WDR59: variants seen among roughly 807,000 people sequenced by gnomAD.
The protein encoded by WDR59 is WD repeat domain 59.
WDR59 carries 100 observed loss-of-function variants against 131.2 expected under a neutral mutation model. That is an observed-to-expected ratio of 0.76 (90% CI 0.65 to 0.90). The LOEUF is 0.90. Ranked by LOEUF, WDR59 falls within the 40% of genes least tolerant of loss-of-function variation. The pLI is 0.00. For synonymous variants in WDR59, 601 were observed against 466.2 expected, an observed-to-expected ratio of 1.29 and a Z score of -3.72; for missense variants, 1,203 against 1,262.2, an observed-to-expected ratio of 0.95 and a Z score of 0.71.
chr16:74,881,624 CAG>C, intron 25 of WDR59, among the ~76,000 whole-genome samples: 1 of 151,902 alleles, frequency 6.6e-6, no homozygotes, highest in Admixed American at 6.6e-5. Flanking sequence ...ACTGTAATCC[CAG>C]CACTTTGGGA....
At chr16:74,899,148 G>A (rs185725163) in intron 18 of WDR59, among the ~76,000 whole-genome samples, 10 of 152,262 alleles carry the variant, frequency 6.6e-5, no homozygotes, top group African/African-American at 9.6e-5. Flanking sequence ...TGTCCACAGC[G>A]GAGGTTTTAC....
intron 6 of WDR59, among the ~76,000 whole-genome samples, chr16:74,943,790 G>C (rs1016591156): frequency 6.6e-6 from 1 of 152,138 alleles, no homozygotes; most frequent in African/African-American, 2.4e-5. Context: ...TCCAGAGTAG[G>C]ACAGAGCAAT....
chr16:74,953,888 G>A (rs910824797), intron 3 of WDR59, among the ~76,000 whole-genome samples: 5 of 152,008 alleles, frequency 3.3e-5, no homozygotes, highest in Non-Finnish European at 7.4e-5. Context: ...TGTAGTCCCA[G>A]CTACTTGGGA....
At chr16:74,945,742 A>C (rs1357863038) in intron 6 of WDR59, among the ~76,000 whole-genome samples, 1 of 151,880 alleles carries the variant, frequency 6.6e-6, no homozygotes, top group Non-Finnish European at 1.5e-5. Flanking sequence ...TCCACCTTCT[A>C]CAGTGTGAGT....
At chr16:74,894,672 C>T (rs1965205976) in intron 18 of WDR59, among the ~76,000 whole-genome samples, 1 of 152,150 alleles carries the variant, frequency 6.6e-6, no homozygotes, top group African/African-American at 2.4e-5. Flanking sequence ...GCAAAAGGAG[C>T]TAGTAAAAAG....
At chr16:74,899,080 A>G (rs1362286166) in intron 18 of WDR59, among the ~76,000 whole-genome samples, 1 of 152,192 alleles carries the variant, frequency 6.6e-6, no homozygotes, top group African/African-American at 2.4e-5. Context: ...ATGGGAGAGG[A>G]AGACAGAAGA....
intron 1 of WDR59, among the ~76,000 whole-genome samples, chr16:74,979,514 C>T (rs959704401): frequency 1.3e-5 from 2 of 150,978 alleles, no homozygotes; most frequent in African/African-American, 2.4e-5. Context: ...AACAGTGTTG[C>T]TCTGGAAGAT....
intron 8 of WDR59, among the ~76,000 whole-genome samples, chr16:74,935,512 C>A (rs1156797393): frequency 6.6e-6 from 1 of 151,876 alleles, no homozygotes. Flanking sequence ...TTTAGTGATA[C>A]CTTGCTCCAG....
chr16:74,946,898 G>C (rs1224977263), intron 6 of WDR59, among the ~76,000 whole-genome samples: 2 of 151,842 alleles, frequency 1.3e-5, no homozygotes, highest in East Asian at 1.9e-4. Context: ...GTGTTCCAAT[G>C]CACCAAGGAG....
intron 25 of WDR59, among the ~76,000 whole-genome samples, chr16:74,885,023 G>A (rs1383487281): frequency 6.6e-6 from 1 of 152,238 alleles, no homozygotes; most frequent in Non-Finnish European, 1.5e-5. Context: ...CTACTCAGCT[G>A]TAAGCTCCAT....
At chr16:74,928,532 T>C (rs751123261) in intron 8 of WDR59, among the ~76,000 whole-genome samples, 1 of 152,102 alleles carries the variant, frequency 6.6e-6, no homozygotes, top group African/African-American at 2.4e-5. Context: ...TTCCCTGTTC[T>C]TGTAAGGCCA....
chr16:74,958,592 C>CAAAAAAAAAAAAAAGAAAAAAA (rs2033408843), intron 2 of WDR59, among the ~76,000 whole-genome samples: 1 of 13,234 alleles, frequency 7.6e-5, no homozygotes, highest in African/African-American at 2.1e-4. Flanking sequence ...GACTCCATCT[C>CAAAAAAAAAAAAAAGAAAAAAA]AAAAAAAAAA....
At chr16:74,953,472 CA>C (rs59976539) in intron 3 of WDR59, among the ~76,000 whole-genome samples, 40,687 of 96,992 alleles carry the variant, frequency 0.42, 5,980 homozygotes, top group East Asian at 0.7. Context: ...GACTCCGTCT[CA>C]AAAAAAAAAA....
chr16:74,882,718 G>T (rs1004816455), intron 25 of WDR59, among the ~76,000 whole-genome samples: 11 of 147,096 alleles, frequency 7.5e-5, no homozygotes, highest in Non-Finnish European at 1.6e-4. Flanking sequence ...GTTGAGGTGT[G>T]AGAATCACTT....
chr16:74,948,791 C>G (rs115676495), intron 5 of WDR59, among the ~76,000 whole-genome samples: 2,405 of 152,134 alleles, frequency 0.016, 49 homozygotes, highest in African/African-American at 0.056. Context: ...CACCCGAGGT[C>G]AGAGTTCGAG....
chr16:74,955,032 T>C (rs2033213500), intron 3 of WDR59, among the ~76,000 whole-genome samples: 1 of 152,162 alleles, frequency 6.6e-6, no homozygotes, highest in South Asian at 2.1e-4. Context: ...TGTTTGGGAA[T>C]TGGATAGAGG....
intron 9 of WDR59, 106 bp downstream of exon 9, chr16:74,923,820 G>A: frequency 9.8e-7 from 1 of 1,024,758 alleles, no homozygotes; most frequent in South Asian, 1.5e-5. Context: ...AACAGAGAAA[G>A]AGAAAATCAC....
chr16:74,983,744 G>A (rs1443128835), intron 1 of WDR59, among the ~76,000 whole-genome samples: 2 of 152,108 alleles, frequency 1.3e-5, no homozygotes, highest in Non-Finnish European at 2.9e-5. Context: ...GGGACGCTGA[G>A]GCAGGGGGTT....
intron 10 of WDR59, among the ~76,000 whole-genome samples, chr16:74,918,350 A>G (rs1040110048): frequency 1.3e-5 from 2 of 152,248 alleles, no homozygotes; most frequent in African/African-American, 2.4e-5. Flanking sequence ...GATGTGAAAT[A>G]CTAACTGGCA....
Sources: gnomAD v4.1 joint callset for allele counts (sites outside exome capture counted in the v4.1 genomes callset) on GRCh38, gnomAD v4.1.1 for gene constraint, MANE v1.5 for transcripts, NCBI Gene and HGNC (gene_info 2026-07-23, HGNC 2026-07-21) for gene names.